The following KCNH7 variants were observed in gnomAD, a reference collection of about 807,000 sequenced individuals.
KCNH7 encodes potassium voltage-gated channel subfamily H member 7.
A neutral mutation model predicts 120.8 loss-of-function variants in KCNH7; 49 were observed. That is an observed-to-expected ratio of 0.41 (90% CI 0.32 to 0.51). KCNH7 has a LOEUF of 0.51. Ranked by LOEUF, KCNH7 falls within the 20% of genes least tolerant of loss-of-function variation. The probability of loss-of-function intolerance (pLI) is 0.38; values close to 1 mark genes in which losing one functional copy is unlikely to be tolerated. For missense variants in KCNH7, 1,097 were observed against 1,446.6 expected, an observed-to-expected ratio of 0.76 and a Z score of 3.92; for synonymous variants, 547 against 516.1, an observed-to-expected ratio of 1.06 and a Z score of -0.81.
intron 9 of KCNH7, among the ~76,000 whole-genome samples, chr2:162,406,467 C>T (rs532467405): frequency 6.6e-5 from 10 of 151,978 alleles, no homozygotes; most frequent in South Asian, 2.1e-4. Context: ...CTCTAAATAG[C>T]ACATTAATCA....
chr2:162,769,136 T>TTGG (rs1682941410), intron 2 of KCNH7: 1 of 152,084 alleles, frequency 6.6e-6, no homozygotes, highest in South Asian at 2.1e-4. Context: ...ACATGGTGAA[T>TTGG]TCCAACAAGA....
intron 9 of KCNH7, among the ~76,000 whole-genome samples, chr2:162,401,728 CTT>C (rs928846709): frequency 1.4e-4 from 22 of 151,948 alleles, no homozygotes; most frequent in African/African-American, 5.1e-4. Flanking sequence ...ATTTTCTGCT[CTT>C]GTTTTCTTCA....
chr2:162,823,934 ATACTT>A (rs1162653538), intron 2 of KCNH7, among the ~76,000 whole-genome samples: 1 of 151,436 alleles, frequency 6.6e-6, no homozygotes, highest in African/African-American at 2.4e-5. Context: ...ACCTATGAAA[ATACTT>A]TATTCTTTTA....
At chr2:162,453,730 T>C (rs1688859251) in intron 6 of KCNH7, among the ~76,000 whole-genome samples, 1 of 152,256 alleles carries the variant, frequency 6.6e-6, no homozygotes, top group African/African-American at 2.4e-5. Context: ...AGAGCTTTTT[T>C]TCATATGTTT....
chr2:162,754,693 A>G (rs305697), intron 2 of KCNH7, among the ~76,000 whole-genome samples: 129,281 of 152,100 alleles, frequency 0.85, 55,888 homozygotes, highest in Non-Finnish European at 0.93. Flanking sequence ...TAAGAGATGG[A>G]TTTTAAAAAT....
intron 2 of KCNH7, among the ~76,000 whole-genome samples, chr2:162,766,198 G>T (rs758987272): frequency 1.3e-5 from 2 of 152,092 alleles, no homozygotes; most frequent in African/African-American, 2.4e-5. Context: ...GTGTGTGTGT[G>T]TCAAAGGAAG....
Position 162,373,571 on chromosome 2 carries a change from T to C in KCNH7, c.3223A>G (p.Thr1075Ala). The change falls in exon 15 of 16, where the codon ACA becomes GCA. Residue 1075 changes from threonine (T) to alanine (A), a missense_variant. By Grantham distance (58) the Thr-to-Ala change is moderately conservative. Around this residue, in one of 8 missense-constraint regions of KCNH7, gnomAD observed 406 missense variants for 410.5 expected, o/e 0.99. Coordinates refer to ENST00000332142, the MANE Select transcript of KCNH7 (RefSeq NM_033272.4). ...GGTCTCTGATATTCTGATCCTGCTG[T>C]TACCATACTGTAGGCTGGGGGGACC... Reference protein sequence around the residue: ...TVVPPAYSMVTAGSEYQRPII... With the variant: ...TVVPPAYSMVAAGSEYQRPII... 6.3e-7 allele frequency: 1 copy of C among 1,594,210 alleles called. No individual in the cohort carries two copies. The highest frequency in any genetic ancestry group is 2.3e-5 in the East Asian group (1 of 43,252).
chr2:162,497,508 T>C (rs116322885), intron 6 of KCNH7, among the ~76,000 whole-genome samples: 1 of 152,284 alleles, frequency 6.6e-6, no homozygotes, highest in Non-Finnish European at 1.5e-5. Context: ...GGACATTTGG[T>C]GTCACAGTCA....
chr2:162,684,333 G>A (rs1478918894), intron 2 of KCNH7, among the ~76,000 whole-genome samples: 4 of 152,062 alleles, frequency 2.6e-5, no homozygotes, highest in Non-Finnish European at 4.4e-5. Flanking sequence ...GGCAACAAAA[G>A]CCAAAATTGA....
intron 2 of KCNH7, among the ~76,000 whole-genome samples, chr2:162,595,439 C>T (rs1226514137): frequency 6.6e-6 from 1 of 151,866 alleles, no homozygotes; most frequent in Non-Finnish European, 1.5e-5. Flanking sequence ...CAATATGATT[C>T]ATCATATTAA....
chr2:162,435,508 G>A lies in KCNH7; in HGVS notation c.1644C>T (p.Gly548=). ...ARKLDRYSEY[G]AAVLMLLMCI... is the part of the protein sequence containing the mutation. ...ACATTAAGAGCATTAGAACAGCAGC[G>A]CCATATTCTGAATATCGATCCAGTT... Residue 548 remains glycine (G), a synonymous_variant, in exon 8 of 16, where the codon GGC becomes GGT. Coordinates refer to ENST00000332142, the MANE Select transcript of KCNH7 (RefSeq NM_033272.4). 1 of 1,613,680 alleles carries A rather than the reference G, an allele frequency of 6.2e-7. No homozygotes were observed. The highest frequency in any genetic ancestry group is 8.5e-7 in the Non-Finnish European group (1 of 1,179,802).
chr2:162,552,914 T>G (rs1692725716), intron 2 of KCNH7, among the ~76,000 whole-genome samples: 1 of 152,174 alleles, frequency 6.6e-6, no homozygotes, highest in Non-Finnish European at 1.5e-5. Context: ...CAACTTGATT[T>G]CAGCCTTGTA....
At chr2:162,455,737 A>G (rs557135017) in intron 6 of KCNH7, among the ~76,000 whole-genome samples, 3 of 152,138 alleles carry the variant, frequency 2.0e-5, no homozygotes, top group South Asian at 2.1e-4. Flanking sequence ...AGGTGTTTAT[A>G]TTATTCTCTG....
intron 2 of KCNH7, among the ~76,000 whole-genome samples, chr2:162,604,069 G>A (rs546488128): frequency 1.3e-5 from 2 of 152,034 alleles, no homozygotes; most frequent in Non-Finnish European, 1.5e-5. Context: ...TTCAAAAAGA[G>A]AGTTTACTAA....
chr2:162,480,311 G>C (rs1290586829), intron 6 of KCNH7, among the ~76,000 whole-genome samples: 2 of 152,174 alleles, frequency 1.3e-5, no homozygotes. Flanking sequence ...TCCTCCTTCA[G>C]CAGAAGGCTG....
At position 162,806,754 on chromosome 2, in the gene KCNH7, T is replaced by C. The variant is rs374710718; in HGVS notation, c.307+29783A>G. Among the ~76,000 whole-genome samples the C allele has an allele frequency of 6.6e-5, 10 of 152,292 alleles. No homozygotes were observed. In the East Asian group the frequency reaches 9.6e-4, roughly 15 times the overall value. On this transcript the variant is annotated intron_variant, in intron 2 of 15. Transcript: ENST00000332142. Reference sequence around the variant, plus strand: ...GCAATACTGGAAATTTAAATGGAATTTGTGGTTTCGGTAAATCTGAAGTTG... The same window carrying C: ...GCAATACTGGAAATTTAAATGGAATCTGTGGTTTCGGTAAATCTGAAGTTG...
At chr2:162,656,258 T>C (rs114377157) in intron 2 of KCNH7, among the ~76,000 whole-genome samples, 2 of 152,334 alleles carry the variant, frequency 1.3e-5, no homozygotes, top group African/African-American at 4.8e-5. Flanking sequence ...CTTGTTTCTA[T>C]ACAACCTTCA....
At chr2:162,401,002 A>G (rs1462282364) in intron 9 of KCNH7, among the ~76,000 whole-genome samples, 5 of 151,942 alleles carry the variant, frequency 3.3e-5, no homozygotes, top group Admixed American at 3.3e-4. Flanking sequence ...CATTATTAAT[A>G]CTAAATATTT....
intron 8 of KCNH7, among the ~76,000 whole-genome samples, chr2:162,426,939 A>G (rs1237617680): frequency 2.0e-5 from 3 of 151,958 alleles, no homozygotes; most frequent in Non-Finnish European, 4.4e-5. Context: ...TGCATTTTCT[A>G]GGATTTTATA....
Sources: gnomAD v4.1 joint callset for allele counts (sites outside exome capture counted in the v4.1 genomes callset) on GRCh38, gnomAD v4.1.1 for gene constraint, gnomAD v4.1.1 regional missense constraint, MANE v1.5 for transcripts, NCBI Gene and HGNC (gene_info 2026-07-23, HGNC 2026-07-21) for gene names.